The following ZC3H8 variants were observed in gnomAD, a reference collection of about 807,000 sequenced individuals.
The protein encoded by ZC3H8 is zinc finger CCCH-type containing 8.
In ZC3H8, 27 loss-of-function variants were observed where a neutral mutation model predicts 42.5. The ratio of observed to expected loss-of-function variants is 0.64; its 90% CI spans 0.47 to 0.88. The LOEUF (loss-of-function observed/expected upper bound fraction) is 0.88, where lower values mean the gene tolerates loss of function less well. Among genes scored for constraint, ZC3H8 ranks in the 40% least tolerant of loss-of-function variants. ZC3H8 has a pLI of 0.00. For synonymous variants in ZC3H8, 101 were observed against 110.1 expected (o/e 0.92, Z 0.52); for missense variants, 277 against 336.1 (o/e 0.82, Z 1.37).
At position 112,213,650 on chromosome 2, in the gene ZC3H8, C is replaced by A. The variant is rs895180755; in HGVS notation, c.*2834G>T. ...AATTAGCAGGGTGTGGTGGCATGCACCTGTAGTCCCAGCTACTTGGGAGGC... is the reference window on the plus strand; with the variant it reads ...AATTAGCAGGGTGTGGTGGCATGCAACTGTAGTCCCAGCTACTTGGGAGGC... On this transcript the variant is annotated 3_prime_UTR_variant, in exon 9 of 9. Transcript: ENST00000409573. The A allele has an allele frequency of 3.3e-5, 5 of 150,918 alleles. No individual in the cohort carries two copies. The highest frequency in any genetic ancestry group is 1.2e-4 in the African/African-American group (5 of 41,036). 9.3% of individuals were successfully genotyped at this position (150,918 alleles called of 1,614,324 possible).
Position 112,236,707 on chromosome 2 carries a change from A to G in ZC3H8, c.371-12T>C. ...TTTTTGTTTAGCAGCTAAAAACAAAAAATTAATTTAAAAAATGACATAAAG... is the reference window on the plus strand; with the variant it reads ...TTTTTGTTTAGCAGCTAAAAACAAAGAATTAATTTAAAAAATGACATAAAG... On this transcript the variant is annotated splice_polypyrimidine_tract_variant and intron_variant, in intron 3 of 8. Transcript: ENST00000409573. 2 of 1,586,798 alleles carry G rather than the reference A, an allele frequency of 1.3e-6. No individual in the cohort carries two copies. Among genetic ancestry groups the G allele is most frequent in the Non-Finnish European group, 8.6e-7 (1 of 1,166,002 alleles).
rs762895391 is a variant in ZC3H8, at chr2:112,230,540, G to A, written c.*15+363C>T. On this transcript the variant is annotated intron_variant, in intron 8 of 8. Transcript: ENST00000409573. ...GAATGACAGCTGCATGCATCTACAC[G>A]AATGAATAATGTTGGGTGAAAATAG... 1.7e-4 allele frequency among the ~76,000 whole-genome samples: 26 copies of A among 152,216 alleles called. 1 individual carries two copies. Among genetic ancestry groups the A allele is most frequent in the African/African-American group, 5.1e-4 (21 of 41,558 alleles).
chr2:112,251,929 A>G (rs1685962862), intron 1 of ZC3H8, among the ~76,000 whole-genome samples: 1 of 152,184 alleles, frequency 6.6e-6, no homozygotes, highest in Admixed American at 6.5e-5. Flanking sequence ...CTTCAGAGAT[A>G]GTGGGCTCTT....
chr2:112,233,370 C>T lies in ZC3H8; in HGVS notation c.623G>A (p.Gly208Glu). The T allele has an allele frequency of 2.6e-6, 4 of 1,568,330 alleles. No individual in the cohort carries two copies. Among genetic ancestry groups the T allele is most frequent in the Non-Finnish European group, 3.5e-6 (4 of 1,154,890 alleles). The change falls in exon 6 of 9, where the codon GGA becomes GAA. Residue 208 changes from glycine to glutamate, a missense_variant and splice_region_variant. Coordinates refer to ENST00000409573, the MANE Select transcript of ZC3H8 (RefSeq NM_032494.3). Reference protein sequence around the residue: ...KYFLERKCIKGDQCKFDHDAE... With the variant: ...KYFLERKCIKEDQCKFDHDAE... ...ATCATGATCAAATTTACACTGGTCT[C>T]CCTAGGCCAAAAGAAGGAGCAAGGA... is the stretch of plus-strand genomic sequence containing the variant.
intron 2 of ZC3H8, among the ~76,000 whole-genome samples, chr2:112,239,381 C>T (rs1476024285): frequency 6.6e-6 from 1 of 152,080 alleles, no homozygotes; most frequent in Non-Finnish European, 1.5e-5. Flanking sequence ...TCAAAGGGCT[C>T]CTATTCTGAT....
intron 1 of ZC3H8, among the ~76,000 whole-genome samples, chr2:112,251,603 G>GT (rs1453967507): frequency 2.6e-5 from 4 of 152,116 alleles, no homozygotes; most frequent in Non-Finnish European, 5.9e-5. Flanking sequence ...CTCCATACAC[G>GT]TAACACTTAC....
chr2:112,239,798 T>C (rs1685506927), intron 2 of ZC3H8, among the ~76,000 whole-genome samples: 1 of 152,176 alleles, frequency 6.6e-6, no homozygotes, highest in Non-Finnish European at 1.5e-5. Context: ...TTGGCCAGGC[T>C]GGTCCTGAAC....
At chr2:112,249,054 A>G (rs147827246) in intron 2 of ZC3H8, among the ~76,000 whole-genome samples, 1 of 152,164 alleles carries the variant, frequency 6.6e-6, no homozygotes, top group Non-Finnish European at 1.5e-5. Flanking sequence ...AAAAACACAA[A>G]AATTAGCTGG....
chr2:112,226,831 C>T (rs1684863585), intron 8 of ZC3H8, among the ~76,000 whole-genome samples: 2 of 151,906 alleles, frequency 1.3e-5, no homozygotes, highest in Admixed American at 1.3e-4. Flanking sequence ...AAAATATTAG[C>T]CAATGAAATC....
intron 7 of ZC3H8, 54 bp from the exon 8 acceptor site, chr2:112,231,004 G>A: frequency 9.2e-7 from 1 of 1,081,436 alleles, no homozygotes; most frequent in East Asian, 4.4e-5. Context: ...GTGTAATTCA[G>A]GTATACTGTC....
chr2:112,254,393 T>C (rs1353358957), intron 1 of ZC3H8, among the ~76,000 whole-genome samples: 1 of 152,258 alleles, frequency 6.6e-6, no homozygotes, highest in Non-Finnish European at 1.5e-5. Context: ...TTAGGGTCTT[T>C]CCATGCAAAT....
At chr2:112,216,683 CA>C (rs71385865) in intron 8 of ZC3H8, among the ~76,000 whole-genome samples, 334 of 120,918 alleles carry the variant, frequency 2.8e-3, no homozygotes, top group Middle Eastern at 4.7e-3. Flanking sequence ...AGAACTGAAG[CA>C]AAAAAAAAAA....
At chr2:112,254,430 T>C (rs1181334855) in intron 1 of ZC3H8, among the ~76,000 whole-genome samples, 1 of 152,270 alleles carries the variant, frequency 6.6e-6, no homozygotes, top group Non-Finnish European at 1.5e-5. Flanking sequence ...GAGTATTGCC[T>C]ATTCTTTACC....
Position 112,234,157 on chromosome 2 carries a change from T to C in ZC3H8, c.584A>G (p.Gln195Arg), listed in dbSNP as rs1685215665. The change falls in exon 5 of 9, where the codon CAA becomes CGA. Residue 195 changes from glutamine (Q) to arginine (R), a missense_variant. By Grantham distance (43) the Gln-to-Arg change is conservative. Coordinates refer to ENST00000409573, the MANE Select transcript of ZC3H8 (RefSeq NM_032494.3). ...NQHTVERKGK[Q>R]ICKYFLERKC... is the part of the protein sequence containing the mutation. ...CCTTTCAAGAAAATATTTACAAATT[T>C]GTTTTCCCTTGCGTTCCACTGTATG... is the stretch of plus-strand genomic sequence containing the variant. 6.2e-7 allele frequency: 1 copy of C among 1,603,442 alleles called. No homozygotes were observed. Among genetic ancestry groups the C allele is most frequent in the Non-Finnish European group, 8.5e-7 (1 of 1,175,548 alleles).
chr2:112,225,383 T>G (rs972046951), intron 8 of ZC3H8, among the ~76,000 whole-genome samples: 1 of 151,976 alleles, frequency 6.6e-6, no homozygotes, highest in East Asian at 1.9e-4. Flanking sequence ...GAGGCTTAGG[T>G]AGAAGGATTG....
intron 2 of ZC3H8, among the ~76,000 whole-genome samples, chr2:112,243,775 T>G (rs1336753497): frequency 6.6e-6 from 1 of 152,088 alleles, no homozygotes; most frequent in Non-Finnish European, 1.5e-5. Context: ...TTATAGAAAA[T>G]GCTTACTGAT....
At chr2:112,224,768 C>G (rs1167023894) in intron 8 of ZC3H8, among the ~76,000 whole-genome samples, 1 of 152,148 alleles carries the variant, frequency 6.6e-6, no homozygotes, top group African/African-American at 2.4e-5. Context: ...ACAGGCAAAA[C>G]TAATCGATAC....
intron 8 of ZC3H8, among the ~76,000 whole-genome samples, chr2:112,228,065 G>C (rs1404836558): frequency 6.6e-6 from 1 of 152,182 alleles, no homozygotes; most frequent in African/African-American, 2.4e-5. Context: ...TAGTAATCAA[G>C]ACACTGTGAT....
Position 112,249,958 on chromosome 2 carries a change from T to C in ZC3H8, c.156+233A>G, listed in dbSNP as rs964403377. 2.9e-4 allele frequency: 81 copies of C among 282,394 alleles called. 1 individual carries two copies. The highest frequency in any genetic ancestry group is 1.0e-3 in the South Asian group (8 of 8,004). The allele number at this position is 282,394 out of a possible 1,614,324, so 17.5% of individuals were successfully genotyped here. A position where few individuals can be genotyped will look rare whatever the true frequency, so the allele number is the denominator to read the frequency against. On this transcript the variant is annotated intron_variant, in intron 2 of 8. Transcript: ENST00000409573. ...GAAATAAATGCAATTATTAAACATA[T>C]GTCATGTTAAATGACAATAAAGTTA...
Sources: gnomAD v4.1 joint callset for allele counts (sites outside exome capture counted in the v4.1 genomes callset) on GRCh38, gnomAD v4.1.1 for gene constraint, MANE v1.5 for transcripts, NCBI Gene and HGNC (gene_info 2026-07-23, HGNC 2026-07-21) for gene names.